The following AKR1E2 variants were observed in gnomAD, a reference collection of about 807,000 sequenced individuals.
AKR1E2 encodes the protein aldo-keto reductase family 1 member E2.
A neutral mutation model predicts 41.9 loss-of-function variants in AKR1E2; 43 were observed. The ratio of observed to expected loss-of-function variants is 1.03; its 90% CI spans 0.80 to 1.32. The LOEUF (loss-of-function observed/expected upper bound fraction) is 1.32. AKR1E2 is among the 40% of genes most tolerant of loss of function. AKR1E2 has a pLI of 0.00. For synonymous variants in AKR1E2, 121 were observed against 138.9 expected (o/e 0.87, Z 0.91); for missense variants, 423 against 396.5 (o/e 1.07, Z -0.57).
chr10:4,866,051 C>A, the AKR1E2 span, among the ~76,000 whole-genome samples: 1 of 152,194 alleles, frequency 6.6e-6, no homozygotes, highest in African/African-American at 2.4e-5. Flanking sequence ...CCAGGACAGA[C>A]GTGAAGTTTC....
the AKR1E2 span, among the ~76,000 whole-genome samples, chr10:4,866,638 T>TG: frequency 1.9e-5 from 2 of 102,840 alleles, no homozygotes; most frequent in African/African-American, 3.3e-5. Context: ...GTTTTGTTTT[T>TG]GTTTTTGTTT....
At chr10:4,837,296 A>G in intron 4 of AKR1E2, 163 bp from the exon 5 acceptor site, 1 of 1,067,756 alleles carries the variant, frequency 9.4e-7, no homozygotes, top group African/African-American at 1.6e-5. Flanking sequence ...GATGGGACTG[A>G]AATCAGACCT....
downstream of AKR1E2, among the ~76,000 whole-genome samples, chr10:4,849,579 A>G (rs1409330009): frequency 2.0e-5 from 3 of 152,166 alleles, no homozygotes; most frequent in African/African-American, 7.2e-5. Flanking sequence ...TTAAAAGTAG[A>G]GAGTAGAATG....
At chr10:4,837,400 C>T (rs989356324) in intron 4 of AKR1E2, 59 bp from the exon 5 acceptor site, 27 of 1,591,158 alleles carry the variant, frequency 1.7e-5, no homozygotes, top group East Asian at 6.8e-5. Context: ...TGCTGAGGGA[C>T]GTAGATTGTC....
rs774629199 is a variant in AKR1E2 at position 4,847,569 on chromosome 10, C to T, written c.*39C>T. 2.5e-6 allele frequency: 4 copies of T among 1,605,098 alleles called. No individual in the cohort carries two copies. The highest frequency in any genetic ancestry group is 2.7e-5 in the African/African-American group (2 of 74,676). On this transcript the variant is annotated 3_prime_UTR_variant, in exon 10 of 10. Coordinates refer to ENST00000298375, the MANE Select transcript of AKR1E2 (RefSeq NM_001040177.3). ...TCCTTGTTTCTGCTCAGCCCAGATG[C>T]ACAGACACTATTGGCAATGTTGACC...
At chr10:4,861,110 A>T in the AKR1E2 span, among the ~76,000 whole-genome samples, 12 of 152,222 alleles carry the variant, frequency 7.9e-5, no homozygotes, top group African/African-American at 2.7e-4. Flanking sequence ...TATTTGGAAG[A>T]TTTTTAAACA....
At chr10:4,845,761 C>A in intron 8 of AKR1E2, 1 of 471,172 alleles carries the variant, frequency 2.1e-6, no homozygotes. Flanking sequence ...GCTGAGATGC[C>A]CCCATTCCTC....
At chr10:4,828,802 GA>G (rs1204705093) in intron 1 of AKR1E2, among the ~76,000 whole-genome samples, 4 of 152,130 alleles carry the variant, frequency 2.6e-5, no homozygotes, top group Admixed American at 6.5e-5. Flanking sequence ...TCTTTTGTTG[GA>G]ATTATTATTG....
intron 8 of AKR1E2, among the ~76,000 whole-genome samples, chr10:4,843,287 C>T (rs1834031911): frequency 6.6e-6 from 1 of 152,150 alleles, no homozygotes; most frequent in African/African-American, 2.4e-5. Flanking sequence ...CTGATAGGAT[C>T]ACTGAGGGTG....
At chr10:4,833,020 T>C (rs1214719545) in intron 2 of AKR1E2, among the ~76,000 whole-genome samples, 1 of 152,224 alleles carries the variant, frequency 6.6e-6, no homozygotes, top group Non-Finnish European at 1.5e-5. Context: ...TTTTTCGTCA[T>C]ATCTTTTCTG....
the AKR1E2 span, among the ~76,000 whole-genome samples, chr10:4,854,239 G>T: frequency 1.3e-5 from 2 of 151,922 alleles, no homozygotes; most frequent in African/African-American, 4.8e-5. Context: ...GACTACAGGT[G>T]CATGCCACCA....
the AKR1E2 span, among the ~76,000 whole-genome samples, chr10:4,859,726 G>A: frequency 2.0e-5 from 3 of 152,198 alleles, no homozygotes; most frequent in African/African-American, 7.2e-5. Context: ...ATATCTTAAG[G>A]TAAAAAGAGG....
intron 8 of AKR1E2, 120 bp downstream of exon 8, chr10:4,842,624 C>G: frequency 7.2e-6 from 6 of 838,140 alleles, no homozygotes; most frequent in Non-Finnish European, 1.2e-5. Flanking sequence ...GCTTCTCCCT[C>G]TGCACTGTGG....
chr10:4,835,057 G>T (rs1833292243), intron 3 of AKR1E2, among the ~76,000 whole-genome samples: 2 of 152,228 alleles, frequency 1.3e-5, no homozygotes, highest in Non-Finnish European at 2.9e-5. Context: ...TGTTGTTTAG[G>T]AGTGTGATTA....
upstream of AKR1E2, chr10:4,825,155 TG>T: frequency 2.8e-6 from 1 of 357,316 alleles, no homozygotes; most frequent in East Asian, 8.0e-5. Flanking sequence ...GCAAGTTGGG[TG>T]GGAGGCAGGG....
intron 4 of AKR1E2, among the ~76,000 whole-genome samples, chr10:4,836,052 A>G (rs1833388966): frequency 1.3e-5 from 2 of 152,098 alleles, no homozygotes; most frequent in South Asian, 4.1e-4. Flanking sequence ...TATAGACCTC[A>G]CTTTTTTTCT....
At chr10:4,825,622 G>A (rs193037363), upstream of AKR1E2, among the ~76,000 whole-genome samples, 900 of 152,352 alleles carry the variant, frequency 5.9e-3, 7 homozygotes, top group African/African-American at 0.021. Flanking sequence ...CATTTTCCAA[G>A]GGCACAGTGG....
chr10:4,859,421 T>G, the AKR1E2 span, among the ~76,000 whole-genome samples: 1 of 152,146 alleles, frequency 6.6e-6, no homozygotes, highest in African/African-American at 2.4e-5. Flanking sequence ...GGATATAAGA[T>G]AAGACATTGA....
At chr10:4,860,969 A>G in the AKR1E2 span, among the ~76,000 whole-genome samples, 4 of 152,286 alleles carry the variant, frequency 2.6e-5, no homozygotes, top group East Asian at 5.8e-4. Context: ...TTCATAAATC[A>G]TGGTATGGTT....
Sources: allele counts gnomAD v4.1 joint callset (sites outside exome capture counted in the v4.1 genomes callset), GRCh38; gene constraint gnomAD v4.1.1; transcripts MANE v1.5; gene names NCBI Gene and HGNC (gene_info 2026-07-23, HGNC 2026-07-21).